MAN2A1: variants seen among roughly 807,000 people sequenced by gnomAD.
The protein encoded by MAN2A1 is alpha-mannosidase 2.
A neutral mutation model predicts 142.6 loss-of-function variants in MAN2A1; 76 were observed. The ratio of observed to expected loss-of-function variants is 0.53; its 90% CI spans 0.44 to 0.65. The LOEUF (loss-of-function observed/expected upper bound fraction) is 0.65, where lower values mean the gene tolerates loss of function less well. MAN2A1 is among the 30% of genes least tolerant of loss of function. The pLI, the probability that MAN2A1 is intolerant of heterozygous loss-of-function variation, is 0.00. For missense variants in MAN2A1, 1,311 were observed against 1,365.1 expected (o/e 0.96, Z 0.62); for synonymous variants, 559 against 473.2 (o/e 1.18, Z -2.35).
chr5:109,845,895 C>T lies in MAN2A1; in HGVS notation c.2731C>T (p.Pro911Ser). Residue 911 changes from proline to serine, a missense_variant, in exon 18 of 22, where the codon CCT (proline) becomes TCT (serine). Coordinates refer to ENST00000261483, the MANE Select transcript of MAN2A1 (RefSeq NM_002372.4). ...IQPRMTLSKL[P>S]LQANVYPMTT... is the part of the protein sequence containing the mutation. ...ACCTAGAATGACACTGAGCAAATTG[C>T]CTCTTCAAGCAAATGTCTATCCCAT... The T allele has an allele frequency of 1.2e-6, 2 of 1,613,342 alleles. No homozygotes were observed. The highest frequency in any genetic ancestry group is 1.7e-6 in the Non-Finnish European group (2 of 1,179,590).
At chr5:109,720,877 G>C (rs979603313) in intron 3 of MAN2A1, among the ~76,000 whole-genome samples, 1 of 152,196 alleles carries the variant, frequency 6.6e-6, no homozygotes, top group South Asian at 2.1e-4. Flanking sequence ...GGAAGGAGAA[G>C]TTGTACGTGA....
At chr5:109,865,681 G>GT (rs1198703141) in intron 21 of MAN2A1, among the ~76,000 whole-genome samples, 1 of 152,234 alleles carries the variant, frequency 6.6e-6, no homozygotes, top group Admixed American at 6.5e-5. Flanking sequence ...GTAGGTCTTG[G>GT]TCTTCTGATT....
At chr5:109,763,686 T>C (rs945384997) in intron 5 of MAN2A1, among the ~76,000 whole-genome samples, 1 of 152,154 alleles carries the variant, frequency 6.6e-6, no homozygotes, top group African/African-American at 2.4e-5. Flanking sequence ...CTAAAGAATT[T>C]AGGACATGTT....
intron 1 of MAN2A1, among the ~76,000 whole-genome samples, chr5:109,712,624 G>C (rs1008736540): frequency 6.6e-6 from 1 of 152,020 alleles, no homozygotes; most frequent in Non-Finnish European, 1.5e-5. Flanking sequence ...AAACCTTAAT[G>C]TGGGTTTTTT....
chr5:109,766,290 A>G (rs972115864), intron 5 of MAN2A1, among the ~76,000 whole-genome samples: 1 of 152,184 alleles, frequency 6.6e-6, no homozygotes. Flanking sequence ...AGCTGCCTTC[A>G]GAATTGTTAA....
intron 1 of MAN2A1, among the ~76,000 whole-genome samples, chr5:109,710,835 C>T (rs564587559): frequency 3.3e-5 from 5 of 152,192 alleles, no homozygotes; most frequent in African/African-American, 7.2e-5. Flanking sequence ...GGATTATAGG[C>T]GCCTGCCACC....
chr5:109,733,263 T>C (rs952383434), intron 4 of MAN2A1, among the ~76,000 whole-genome samples: 2 of 152,114 alleles, frequency 1.3e-5, no homozygotes, highest in Non-Finnish European at 2.9e-5. Context: ...AGATTTTGGA[T>C]TGAGACGATG....
At chr5:109,738,238 T>TG (rs1561486920) in intron 4 of MAN2A1, among the ~76,000 whole-genome samples, 1 of 151,026 alleles carries the variant, frequency 6.6e-6, no homozygotes, top group Non-Finnish European at 1.5e-5. Flanking sequence ...TTTATGTTTT[T>TG]TTTTTTTTTT....
At chr5:109,846,979 G>A (rs774824837) in intron 18 of MAN2A1, among the ~76,000 whole-genome samples, 1 of 146,022 alleles carries the variant, frequency 6.8e-6, no homozygotes, top group Admixed American at 6.9e-5. Context: ...TTGCTGTGTG[G>A]TTAGGGGCCC....
At chr5:109,775,566 C>T (rs768983710) in intron 8 of MAN2A1, among the ~76,000 whole-genome samples, 2 of 151,870 alleles carry the variant, frequency 1.3e-5, no homozygotes, top group Non-Finnish European at 2.9e-5. Context: ...ATATCCATGG[C>T]TCAGCTGCAG....
intron 16 of MAN2A1, among the ~76,000 whole-genome samples, chr5:109,840,876 A>G (rs1436919520): frequency 6.6e-6 from 1 of 151,788 alleles, no homozygotes; most frequent in African/African-American, 2.4e-5. Context: ...TGGGGCCTGC[A>G]TTTACACTCT....
At chr5:109,705,404 G>A (rs1476867932) in intron 1 of MAN2A1, among the ~76,000 whole-genome samples, 2 of 152,112 alleles carry the variant, frequency 1.3e-5, no homozygotes, top group Non-Finnish European at 2.9e-5. Context: ...TTTATTCAAA[G>A]TTAGGTGTAG....
chr5:109,758,520 A>T (rs1488014504), intron 5 of MAN2A1, among the ~76,000 whole-genome samples: 1 of 151,410 alleles, frequency 6.6e-6, no homozygotes. Flanking sequence ...TTTAATTTTG[A>T]GGAAGTTTTT....
intron 4 of MAN2A1, among the ~76,000 whole-genome samples, chr5:109,746,572 GTTTT>G (rs34492008): frequency 4.8e-5 from 6 of 126,080 alleles, no homozygotes; most frequent in South Asian, 2.6e-4. Flanking sequence ...CATTGTGCTG[GTTTT>G]TTTTTTTTTT....
chr5:109,763,393 T>C (rs764417093), intron 5 of MAN2A1, among the ~76,000 whole-genome samples: 1 of 152,160 alleles, frequency 6.6e-6, no homozygotes, highest in Admixed American at 6.5e-5. Flanking sequence ...ACTTTCTTTT[T>C]AAATATAAGG....
Position 109,867,519 on chromosome 5 carries a change from T to C in MAN2A1, c.*521T>C, listed in dbSNP as rs565652735. On this transcript the variant is annotated 3_prime_UTR_variant, in exon 22 of 22. Coordinates refer to ENST00000261483, the MANE Select transcript of MAN2A1 (RefSeq NM_002372.4). ...TGGAAAAGTGCAATCCATCCACCCT[T>C]ATGATTAACGTAGATGATTTTTATA... 1.3e-5 allele frequency: 2 copies of C among 152,748 alleles called. No homozygotes were observed. The highest frequency in any genetic ancestry group is 3.9e-4 in the East Asian group (2 of 5,192). The allele number at this position is 152,748 out of a possible 1,614,324, so 9.5% of individuals were successfully genotyped here. A position where few individuals can be genotyped will look rare whatever the true frequency, so the allele number is the denominator to read the frequency against.
At position 109,867,125 on chromosome 5, in the gene MAN2A1, G is replaced by GT. The variant is rs1386610844; in HGVS notation, c.*133dup. The GT allele has an allele frequency of 7.7e-6, 3 of 388,474 alleles. No individual in the cohort carries two copies. Among genetic ancestry groups the GT allele is most frequent in the East Asian group, 6.8e-5 (1 of 14,652 alleles). 24.1% of individuals were successfully genotyped at this position (388,474 alleles called of 1,614,324 possible). A position where few individuals can be genotyped will look rare whatever the true frequency, so the allele number is the denominator to read the frequency against. On this transcript the variant is annotated 3_prime_UTR_variant, in exon 22 of 22. Transcript: ENST00000261483. ...GAACATGAATTCTGTGATTCTGTGG[G>GT]TTTTTTCTTTTTTCTTTTACCAGTA...
At chr5:109,828,149 A>G (rs985044223) in intron 16 of MAN2A1, among the ~76,000 whole-genome samples, 10 of 151,998 alleles carry the variant, frequency 6.6e-5, no homozygotes, top group African/African-American at 2.4e-4. Flanking sequence ...CTAATGAAAT[A>G]TATTGTTTTG....
intron 12 of MAN2A1, among the ~76,000 whole-genome samples, chr5:109,803,439 TTTAA>T (rs1754083790): frequency 6.6e-6 from 1 of 152,038 alleles, no homozygotes; most frequent in Non-Finnish European, 1.5e-5. Context: ...CAAAGTGTGT[TTTAA>T]TTGTGTGTTT....
Sources: allele counts gnomAD v4.1 joint callset (sites outside exome capture counted in the v4.1 genomes callset), GRCh38; gene constraint gnomAD v4.1.1; transcripts MANE v1.5; gene names NCBI Gene and HGNC (gene_info 2026-07-23, HGNC 2026-07-21).